The following ARHGEF10 variants were observed in gnomAD, a reference collection of about 807,000 sequenced individuals.
ARHGEF10 encodes the protein Rho guanine nucleotide exchange factor (GEF) 10.
ARHGEF10 carries 140 observed loss-of-function variants against 147.4 expected under a neutral mutation model. The observed-to-expected ratio is 0.95, with a 90% CI of 0.83 to 1.09. The LOEUF is 1.09. ARHGEF10 is among the 50% of genes least tolerant of loss of function. ARHGEF10 has a pLI of 0.00. For synonymous variants in ARHGEF10, 902 were observed against 695.8 expected (o/e 1.30, Z -4.67); for missense variants, 2,222 against 1,752.7 (o/e 1.27, Z -4.78).
At chr8:1,905,819 G>C in intron 17 of ARHGEF10, 103 bp downstream of exon 17, 1 of 1,458,186 alleles carries the variant, frequency 6.9e-7, no homozygotes, top group African/African-American at 1.4e-5. Context: ...AGACTGAACT[G>C]GTTTTTTGTG....
chr8:1,825,653 G>C (rs1473335524), intron 1 of ARHGEF10, among the ~76,000 whole-genome samples: 1 of 152,030 alleles, frequency 6.6e-6, no homozygotes, highest in Non-Finnish European at 1.5e-5. Flanking sequence ...CTGAAGGTGA[G>C]GTCTGAGTAC....
chr8:1,833,267 GGCAGAGACAGAGGTAGAGACAGAA>G lies in ARHGEF10; in HGVS notation c.-48+9168_-48+9191del, dbSNP rs1376422616. Among the ~76,000 whole-genome samples, 1,347 of 148,422 alleles carry G rather than the reference GGCAGAGACAGAGGTAGAGACAGAA, an allele frequency of 9.1e-3. 32 individuals carry two copies. The highest frequency in any genetic ancestry group is 0.027 in the African/African-American group (1,094 of 39,900). The stretch of plus-strand genomic sequence containing the variant: ...AGACAGAGGCCGAGACAGAGGCAGA[GGCAGAGACAGAGGTAGAGACAGAA>G]GCAGAGACAGAGGCAGAGACAGAAG... On this transcript the variant is annotated intron_variant, in intron 1 of 28. Coordinates refer to ENST00000349830, the MANE Select transcript of ARHGEF10 (RefSeq NM_014629.4).
At chr8:1,911,797 T>C (rs534418102) in intron 18 of ARHGEF10, among the ~76,000 whole-genome samples, 1 of 152,342 alleles carries the variant, frequency 6.6e-6, no homozygotes, top group African/African-American at 2.4e-5. Flanking sequence ...TTACCGTTTA[T>C]GCTGACAAAA....
rs956988873 is a variant in ARHGEF10 at position 1,957,178 on chromosome 8, G to A, written c.3950G>A (p.Arg1317Gln). 20 of 1,612,424 alleles carry A rather than the reference G, an allele frequency of 1.2e-5. No individual in the cohort carries two copies. Among genetic ancestry groups the A allele is most frequent in the African/African-American group, 4.0e-5 (3 of 74,940 alleles). ...LVVCGGQGHRRVHRKARQPHQ... is the reference protein window; with the variant it reads ...LVVCGGQGHRQVHRKARQPHQ... ...GTCTGTGGAGGGCAGGGCCACCGCC[G>A]GGTGCACAGGAAGGCCCGGCAGCCC... The change falls in exon 29 of 29, where the codon CGG becomes CAG. Residue 1317 changes from arginine (R) to glutamine (Q), a missense_variant. Coordinates refer to ENST00000349830, the MANE Select transcript of ARHGEF10 (RefSeq NM_014629.4).
intron 1 of ARHGEF10, among the ~76,000 whole-genome samples, chr8:1,834,249 C>T (rs937858721): frequency 1.3e-5 from 2 of 152,250 alleles, no homozygotes; most frequent in Non-Finnish European, 2.9e-5. Flanking sequence ...CCGGTTAGCT[C>T]GTGACTGACT....
intron 18 of ARHGEF10, among the ~76,000 whole-genome samples, chr8:1,912,525 G>A (rs891792171): frequency 2.0e-5 from 3 of 151,938 alleles, no homozygotes; most frequent in Admixed American, 6.5e-5. Flanking sequence ...AGCACCGTGT[G>A]GATTGTGGGT....
At chr8:1,942,364 C>A (rs1438347079) in intron 26 of ARHGEF10, among the ~76,000 whole-genome samples, 1 of 151,604 alleles carries the variant, frequency 6.6e-6, no homozygotes, top group Non-Finnish European at 1.5e-5. Flanking sequence ...AGATGGTCAG[C>A]ATTGTTGCTT....
intron 1 of ARHGEF10, among the ~76,000 whole-genome samples, 172 bp downstream of exon 1, chr8:1,824,285 G>C (rs1184929586): frequency 1.3e-5 from 2 of 151,844 alleles, no homozygotes; most frequent in Non-Finnish European, 2.9e-5. Flanking sequence ...CTCCCCCCGA[G>C]CAGCTCCCCC....
intron 2 of ARHGEF10, among the ~76,000 whole-genome samples, chr8:1,847,249 C>A (rs759791734): frequency 4.6e-5 from 7 of 152,146 alleles, no homozygotes; most frequent in Non-Finnish European, 1.0e-4. Context: ...CAATTTCTGT[C>A]ATTCCTGGAA....
At chr8:1,949,397 G>A (rs766639506) in intron 27 of ARHGEF10, among the ~76,000 whole-genome samples, 1 of 152,174 alleles carries the variant, frequency 6.6e-6, no homozygotes, top group Non-Finnish European at 1.5e-5. Flanking sequence ...ATACACATTC[G>A]TTAGAGCGGT....
intron 26 of ARHGEF10, among the ~76,000 whole-genome samples, chr8:1,944,555 C>T (rs765481643): frequency 2.6e-5 from 4 of 152,212 alleles, no homozygotes; most frequent in Non-Finnish European, 5.9e-5. Flanking sequence ...TGGGGGCTGT[C>T]GTCTTTTCCC....
chr8:1,851,152 C>T (rs1021121018), intron 2 of ARHGEF10, among the ~76,000 whole-genome samples: 3 of 151,802 alleles, frequency 2.0e-5, no homozygotes, highest in East Asian at 3.9e-4. Flanking sequence ...GCACCAGGAG[C>T]GAGGCCTCAC....
intron 1 of ARHGEF10, among the ~76,000 whole-genome samples, chr8:1,833,704 G>A (rs745350067): frequency 4.6e-5 from 7 of 152,176 alleles, no homozygotes; most frequent in African/African-American, 1.2e-4. Context: ...GCCCGGCCCA[G>A]CTTGTTTCCT....
intron 26 of ARHGEF10, among the ~76,000 whole-genome samples, chr8:1,940,653 C>T (rs989184828): frequency 6.6e-6 from 1 of 152,030 alleles, no homozygotes; most frequent in African/African-American, 2.4e-5. Context: ...AGCATGACCC[C>T]GATACCAAAG....
At chr8:1,849,613 G>T (rs1804858052) in intron 2 of ARHGEF10, among the ~76,000 whole-genome samples, 1 of 150,722 alleles carries the variant, frequency 6.6e-6, no homozygotes, top group Admixed American at 6.6e-5. Flanking sequence ...CAAATGCTGA[G>T]GAGGGCGTGG....
Position 1,923,801 on chromosome 8 carries a change from T to C in ARHGEF10, c.2415T>C (p.Ala805=). 1 of 1,614,180 alleles carries C rather than the reference T, an allele frequency of 6.2e-7. No individual in the cohort carries two copies. The highest frequency in any genetic ancestry group is 2.2e-5 in the East Asian group (1 of 44,872). Reference sequence around the variant, plus strand: ...CTGGGCGACCGACGTTCTTTACAGCTGTGTTCAATACGTTCACCCCTGCCA... The same window carrying C: ...CTGGGCGACCGACGTTCTTTACAGCCGTGTTCAATACGTTCACCCCTGCCA... ...DKSGRPTFFT[A]VFNTFTPAIK... Residue 805 remains alanine (A), a synonymous_variant, in exon 21 of 29, where the codon GCT becomes GCC. Transcript: ENST00000349830.
intron 6 of ARHGEF10, among the ~76,000 whole-genome samples, chr8:1,867,245 G>A (rs1806704274): frequency 6.6e-6 from 1 of 152,160 alleles, no homozygotes; most frequent in African/African-American, 2.4e-5. Context: ...AAATGTGCTT[G>A]AAAAGCTAAT....
chr8:1,889,483 G>GT (rs1448760730), intron 11 of ARHGEF10, among the ~76,000 whole-genome samples: 3 of 63,812 alleles, frequency 4.7e-5, no homozygotes, highest in East Asian at 8.8e-4. Context: ...GACACTGAGT[G>GT]GGGTGAGGGG....
chr8:1,937,452 A>G lies in ARHGEF10; in HGVS notation c.3222+3510A>G, dbSNP rs769479104. 2.6e-5 allele frequency among the ~76,000 whole-genome samples: 4 copies of G among 152,144 alleles called. No individual in the cohort carries two copies. The highest frequency in any genetic ancestry group is 9.7e-5 in the African/African-American group (4 of 41,436). On this transcript the variant is annotated intron_variant, in intron 26 of 28. Coordinates refer to ENST00000349830, the MANE Select transcript of ARHGEF10 (RefSeq NM_014629.4). This position sits in a 1 kb window ranked among gnomAD's most constrained non-coding sequence, Gnocchi z 4.9. Reference sequence around the variant, plus strand: ...TTGTCTGAGCTGACAGCTGGGGGTAATTCCCCTTTCTCAGGCTGCTTGTAA... The same window carrying G: ...TTGTCTGAGCTGACAGCTGGGGGTAGTTCCCCTTTCTCAGGCTGCTTGTAA...
Sources: allele counts gnomAD v4.1 joint callset (sites outside exome capture counted in the v4.1 genomes callset), GRCh38; gene constraint gnomAD v4.1.1; non-coding constraint Gnocchi (gnomAD v3.1); transcripts MANE v1.5; gene names NCBI Gene and HGNC (gene_info 2026-07-23, HGNC 2026-07-21).